Variants in OSBPL6 observed in about 807,000 individuals in gnomAD.
OSBPL6 encodes oxysterol binding protein like 6, also known as oxysterol-binding protein-related protein 6.
Under a neutral mutation model 125.8 loss-of-function variants are expected in OSBPL6, and 49 were observed. That is an observed-to-expected ratio of 0.39 (90% CI 0.31 to 0.49). OSBPL6 has a LOEUF of 0.49. Among genes scored for constraint, OSBPL6 ranks in the 20% least tolerant of loss-of-function variants. The pLI is 0.88. For missense variants in OSBPL6, 986 were observed against 1,135.4 expected, an observed-to-expected ratio of 0.87 and a Z score of 1.89; for synonymous variants, 394 against 391.8, an observed-to-expected ratio of 1.01 and a Z score of -0.07.
At chr2:178,301,224 A>T (rs549671731) in intron 2 of OSBPL6, among the ~76,000 whole-genome samples, 5 of 152,198 alleles carry the variant, frequency 3.3e-5, no homozygotes, top group African/African-American at 9.6e-5. Flanking sequence ...TGTTAAAAGG[A>T]ATGAAAAGGG....
intron 15 of OSBPL6, among the ~76,000 whole-genome samples, chr2:178,376,559 C>T (rs573005368): frequency 6.6e-6 from 1 of 152,084 alleles, no homozygotes; most frequent in Non-Finnish European, 1.5e-5. Flanking sequence ...CATCCATTTT[C>T]CACTGGGGAA....
chr2:178,266,987 C>T (rs1385219971), intron 1 of OSBPL6, among the ~76,000 whole-genome samples: 1 of 152,134 alleles, frequency 6.6e-6, no homozygotes, highest in Non-Finnish European at 1.5e-5. Flanking sequence ...TCAGTGGGGT[C>T]TTGAGCAGCA....
chr2:178,343,796 A>T, intron 11 of OSBPL6, among the ~76,000 whole-genome samples: 1 of 152,122 alleles, frequency 6.6e-6, no homozygotes, highest in Non-Finnish European at 1.5e-5. Flanking sequence ...CCCTTCCCTT[A>T]CTTTTTTTCT....
chr2:178,244,582 G>A (rs187503461), intron 1 of OSBPL6, among the ~76,000 whole-genome samples: 5 of 152,188 alleles, frequency 3.3e-5, no homozygotes, highest in African/African-American at 9.6e-5. Context: ...TTTCCCCCTT[G>A]GTTCTTAAAG....
chr2:178,283,183 A>AT (rs960792367), intron 1 of OSBPL6, among the ~76,000 whole-genome samples: 3 of 152,088 alleles, frequency 2.0e-5, no homozygotes, highest in Admixed American at 1.3e-4. Context: ...ACACAGTAGA[A>AT]TTTTTTTTAA....
intron 8 of OSBPL6, 61 bp from the exon 9 acceptor site, chr2:178,336,240 T>G: frequency 6.4e-7 from 1 of 1,552,844 alleles, no homozygotes; most frequent in Non-Finnish European, 8.7e-7. Context: ...GATACTTGTA[T>G]TTTTTTAATC....
chr2:178,342,403 G>A (rs774772052), intron 11 of OSBPL6, among the ~76,000 whole-genome samples: 17 of 152,100 alleles, frequency 1.1e-4, no homozygotes, highest in Non-Finnish European at 2.1e-4. Flanking sequence ...TTGACCGCAA[G>A]AAAGTAAAAA....
At chr2:178,268,181 A>G (rs2092292726) in intron 1 of OSBPL6, among the ~76,000 whole-genome samples, 1 of 151,466 alleles carries the variant, frequency 6.6e-6, no homozygotes, top group Non-Finnish European at 1.5e-5. Flanking sequence ...TCCCAGGTTC[A>G]AGCGTTTCTT....
chr2:178,231,611 C>T (rs534603748), intron 1 of OSBPL6, among the ~76,000 whole-genome samples: 2 of 151,606 alleles, frequency 1.3e-5, no homozygotes, highest in African/African-American at 2.4e-5. Flanking sequence ...CCCTTTCCCC[C>T]ATCCTGACCA....
At chr2:178,290,132 A>AC (rs943140480) in intron 2 of OSBPL6, among the ~76,000 whole-genome samples, 5 of 151,990 alleles carry the variant, frequency 3.3e-5, no homozygotes, top group East Asian at 1.9e-4. Flanking sequence ...AAAAATGGTG[A>AC]CCCCCACCCC....
At chr2:178,368,818 A>G (rs540300742) in intron 13 of OSBPL6, among the ~76,000 whole-genome samples, 7 of 126,294 alleles carry the variant, frequency 5.5e-5, no homozygotes, top group African/African-American at 2.1e-4. Flanking sequence ...TTTTTTTTTG[A>G]GACACAGTCT....
At chr2:178,254,961 C>T (rs868386955) in intron 1 of OSBPL6, among the ~76,000 whole-genome samples, 3 of 152,124 alleles carry the variant, frequency 2.0e-5, no homozygotes, top group Non-Finnish European at 2.9e-5. Context: ...ACAATCATGG[C>T]GGAAGGTGAT....
intron 1 of OSBPL6, among the ~76,000 whole-genome samples, chr2:178,259,546 G>A (rs1226477624): frequency 6.6e-6 from 1 of 151,834 alleles, no homozygotes; most frequent in Non-Finnish European, 1.5e-5. Context: ...TCTTCTTCAG[G>A]GAATTTTCTT....
At chr2:178,272,449 A>T (rs1242801140) in intron 1 of OSBPL6, among the ~76,000 whole-genome samples, 1 of 152,232 alleles carries the variant, frequency 6.6e-6, no homozygotes, top group Non-Finnish European at 1.5e-5. Context: ...CCAAGGCCCC[A>T]GAGGCAAACA....
At chr2:178,237,378 T>C (rs1456439893) in intron 1 of OSBPL6, among the ~76,000 whole-genome samples, 3 of 152,050 alleles carry the variant, frequency 2.0e-5, no homozygotes, top group Non-Finnish European at 2.9e-5. Context: ...TCTCAAATTC[T>C]CTGCATTCTT....
At chr2:178,390,869 G>A (rs537110513) in intron 21 of OSBPL6, among the ~76,000 whole-genome samples, 4 of 152,150 alleles carry the variant, frequency 2.6e-5, no homozygotes, top group Non-Finnish European at 5.9e-5. Flanking sequence ...CATGTTATGC[G>A]TGGAATAGAG....
At chr2:178,289,016 CTT>C (rs58943076) in intron 2 of OSBPL6, among the ~76,000 whole-genome samples, 17 of 130,594 alleles carry the variant, frequency 1.3e-4, no homozygotes, top group Middle Eastern at 3.9e-3. Flanking sequence ...TCTTTTTCTT[CTT>C]TTTTTTTTTT....
chr2:178,330,956 A>G (rs1004147306), intron 5 of OSBPL6, among the ~76,000 whole-genome samples: 3 of 152,202 alleles, frequency 2.0e-5, no homozygotes, highest in Non-Finnish European at 2.9e-5. Flanking sequence ...CCCTTAGTGT[A>G]GTTCAGAAAT....
In OSBPL6 at chr2:178,361,731, G is replaced by A. The variant is rs2154098598; in HGVS notation, c.1203G>A (p.Glu401=). Residue 401 remains glutamate, a synonymous_variant, in exon 13 of 25, where the codon GAG becomes GAA. Transcript: ENST00000190611. The part of the protein sequence containing the change: ...SAFNSIAIEK[E]KLKQMVSEQD... ...TTAATAGCATAGCTATAGAGAAGGA[G>A]AAGCTGAAGCAGATGGTTTCCGAGC... 6.2e-7 allele frequency: 1 copy of A among 1,614,162 alleles called. No homozygotes were observed. The highest frequency in any genetic ancestry group is 8.5e-7 in the Non-Finnish European group (1 of 1,180,006).
Sources: allele counts gnomAD v4.1 joint callset (sites outside exome capture counted in the v4.1 genomes callset), GRCh38; gene constraint gnomAD v4.1.1; transcripts MANE v1.5; gene names NCBI Gene and HGNC (gene_info 2026-07-23, HGNC 2026-07-21).